The following WDR7 variants were observed in gnomAD, a reference collection of about 807,000 sequenced individuals.
The protein encoded by WDR7 is WD repeat domain 7, also known as WD repeat-containing protein 7.
Under a neutral mutation model 169.4 loss-of-function variants are expected in WDR7, and 46 were observed. The ratio of observed to expected loss-of-function variants is 0.27; its 90% CI spans 0.21 to 0.35. WDR7 has a LOEUF of 0.35. Among genes scored for constraint, WDR7 ranks in the 10% least tolerant of loss-of-function variants. The probability of loss-of-function intolerance (pLI) is 1.00; values close to 1 mark genes in which losing one functional copy is unlikely to be tolerated. For synonymous variants in WDR7, 612 were observed against 666.8 expected, an observed-to-expected ratio of 0.92 and a Z score of 1.27; for missense variants, 1,534 against 1,859.3, an observed-to-expected ratio of 0.83 and a Z score of 3.22.
intron 20 of WDR7, among the ~76,000 whole-genome samples, chr18:56,838,509 A>G (rs925919863): frequency 1.1e-4 from 17 of 152,198 alleles, no homozygotes; most frequent in Admixed American, 1.1e-3. Context: ...TGTACATTTT[A>G]TATCTATTTA....
chr18:56,994,040 G>A (rs868802186), intron 26 of WDR7, among the ~76,000 whole-genome samples: 28 of 131,926 alleles, frequency 2.1e-4, no homozygotes, highest in Admixed American at 1.7e-4. Context: ...TTCTTCTTGA[G>A]ACAGGGTCTC....
chr18:56,820,437 A>G (rs969958179), intron 20 of WDR7, among the ~76,000 whole-genome samples: 3 of 148,864 alleles, frequency 2.0e-5, no homozygotes, highest in African/African-American at 7.4e-5. Context: ...GTGGATCCCA[A>G]TGGGTGGGTC....
chr18:56,789,393 G>A (rs1040491283), intron 19 of WDR7, among the ~76,000 whole-genome samples: 3 of 152,202 alleles, frequency 2.0e-5, no homozygotes, highest in Non-Finnish European at 4.4e-5. Flanking sequence ...TAGGAGCTCC[G>A]CAGGATGAAG....
At chr18:56,745,995 T>C (rs902058603) in intron 14 of WDR7, among the ~76,000 whole-genome samples, 5 of 152,156 alleles carry the variant, frequency 3.3e-5, no homozygotes, top group African/African-American at 1.2e-4. Flanking sequence ...TCAGGGACAA[T>C]GATTTCAAGG....
intron 1 of WDR7, among the ~76,000 whole-genome samples, chr18:56,669,013 ATATTAT>A (rs2025078612): frequency 1.3e-5 from 2 of 152,056 alleles, no homozygotes; most frequent in Admixed American, 1.3e-4. Flanking sequence ...GAGGAGGAGA[ATATTAT>A]TATCCATCTT....
intron 20 of WDR7, 69 bp from the exon 21 acceptor site, chr18:56,879,874 GT>G: frequency 2.3e-6 from 3 of 1,313,872 alleles, no homozygotes; most frequent in Non-Finnish European, 3.2e-6. Context: ...AGTCCTGAAT[GT>G]TTTTCTAATC....
chr18:56,861,467 G>A (rs552633615), intron 20 of WDR7, among the ~76,000 whole-genome samples: 2 of 152,308 alleles, frequency 1.3e-5, no homozygotes, highest in South Asian at 4.1e-4. Flanking sequence ...CCACAACTTA[G>A]CATTGCTGCA....
At chr18:56,992,182 G>A (rs910678262) in intron 26 of WDR7, among the ~76,000 whole-genome samples, 3 of 152,062 alleles carry the variant, frequency 2.0e-5, no homozygotes, top group Admixed American at 6.5e-5. Flanking sequence ...AATCTATTCC[G>A]AGCTAGACCT....
At chr18:56,940,305 G>A (rs2047016642) in intron 25 of WDR7, among the ~76,000 whole-genome samples, 1 of 152,128 alleles carries the variant, frequency 6.6e-6, no homozygotes, top group African/African-American at 2.4e-5. Flanking sequence ...GGCATTACCT[G>A]CTATGCAAAT....
At chr18:56,703,247 G>A (rs923384611) in intron 12 of WDR7, among the ~76,000 whole-genome samples, 5 of 152,316 alleles carry the variant, frequency 3.3e-5, no homozygotes, top group Admixed American at 2.6e-4. Flanking sequence ...ACACGTGACT[G>A]TGTGTATACC....
At chr18:56,929,506 G>A (rs748318930) in intron 22 of WDR7, among the ~76,000 whole-genome samples, 2 of 152,100 alleles carry the variant, frequency 1.3e-5, no homozygotes, top group South Asian at 2.1e-4. Flanking sequence ...TCCAGTATCC[G>A]TAATGTGCTA....
intron 21 of WDR7, among the ~76,000 whole-genome samples, chr18:56,913,977 G>C (rs576788991): frequency 6.6e-6 from 1 of 152,236 alleles, no homozygotes; most frequent in East Asian, 1.9e-4. Flanking sequence ...CAAGTTGAAA[G>C]CAGTCTGCAT....
chr18:56,772,136 C>T (rs1599031875), intron 16 of WDR7, among the ~76,000 whole-genome samples: 1 of 146,658 alleles, frequency 6.8e-6, no homozygotes, highest in Non-Finnish European at 1.5e-5. Context: ...GAATGCAAAC[C>T]ATCAGTCAAA....
At chr18:56,762,925 C>G (rs1454691321) in intron 16 of WDR7, among the ~76,000 whole-genome samples, 1 of 148,954 alleles carries the variant, frequency 6.7e-6, no homozygotes, top group Non-Finnish European at 1.5e-5. Context: ...CTTGGGTTGC[C>G]TACGAATAAA....
intron 19 of WDR7, among the ~76,000 whole-genome samples, chr18:56,789,435 C>A (rs1259032658): frequency 6.6e-6 from 1 of 152,230 alleles, no homozygotes; most frequent in Non-Finnish European, 1.5e-5. Context: ...CTCCTCCGCA[C>A]AAGCGGTCCT....
chr18:56,984,013 C>T (rs1787466), intron 26 of WDR7, among the ~76,000 whole-genome samples: 2,504 of 146,452 alleles, frequency 0.017, 76 homozygotes, highest in African/African-American at 0.058. Context: ...ACAGTTATCA[C>T]AGTCTTGAGC....
intron 14 of WDR7, among the ~76,000 whole-genome samples, chr18:56,732,409 A>G (rs1292340016): frequency 6.6e-6 from 1 of 152,218 alleles, no homozygotes; most frequent in Non-Finnish European, 1.5e-5. Flanking sequence ...AGGCACAAAT[A>G]CTTTTAATTT....
At chr18:57,026,348 T>C (rs1340777067) in intron 27 of WDR7, among the ~76,000 whole-genome samples, 1 of 152,216 alleles carries the variant, frequency 6.6e-6, no homozygotes, top group Non-Finnish European at 1.5e-5. Flanking sequence ...AACAGCAGAC[T>C]CTCCTTAGTA....
At chr18:57,020,604 C>A in intron 26 of WDR7, 141 bp from the exon 27 acceptor site, 1 of 772,332 alleles carries the variant, frequency 1.3e-6, no homozygotes, top group Non-Finnish European at 2.1e-6. Context: ...GCTTATTTTT[C>A]TAAGCTGATT....
Sources: allele counts gnomAD v4.1 joint callset (sites outside exome capture counted in the v4.1 genomes callset), GRCh38; gene constraint gnomAD v4.1.1; transcripts MANE v1.5; gene names NCBI Gene and HGNC (gene_info 2026-07-23, HGNC 2026-07-21).